The following TENM2 variants were observed in gnomAD, a reference collection of about 807,000 sequenced individuals.
The protein encoded by TENM2 is teneurin transmembrane protein 2.
Under a neutral mutation model 245.2 loss-of-function variants are expected in TENM2, and 52 were observed. The ratio of observed to expected loss-of-function variants is 0.21; its 90% CI spans 0.17 to 0.27. The LOEUF is 0.27. Among genes scored for constraint, TENM2 ranks in the 10% least tolerant of loss-of-function variants. The pLI, the probability that TENM2 is intolerant of heterozygous loss-of-function variation, is 1.00. For synonymous variants in TENM2, 1,363 were observed against 1,438.9 expected (o/e 0.95, Z 1.19); for missense variants, 3,046 against 3,666.8 (o/e 0.83, Z 4.37).
chr5:167,952,881 A>G (rs760441594), intron 4 of TENM2, 59 bp downstream of exon 6: 197 of 1,384,262 alleles, frequency 1.4e-4, no homozygotes, highest in Non-Finnish European at 1.8e-4. Flanking sequence ...CTGAGTCACC[A>G]CACAGAGCCA....
At chr5:167,697,074 T>C (rs1294279427) in intron 2 of TENM2, among the ~76,000 whole-genome samples, 2 of 152,178 alleles carry the variant, frequency 1.3e-5, no homozygotes, top group Non-Finnish European at 2.9e-5. Context: ...TTTCTCACAC[T>C]TGCCTGGTTC....
intron 14 of TENM2, among the ~76,000 whole-genome samples, chr5:168,192,628 TAGA>T (rs1457643739): frequency 6.6e-6 from 1 of 152,226 alleles, no homozygotes; most frequent in Non-Finnish European, 1.5e-5. Context: ...TTTCTTTTAG[TAGA>T]AGAACCTCTC....
At chr5:168,035,587 G>A (rs1787593570) in intron 5 of TENM2, among the ~76,000 whole-genome samples, 1 of 151,828 alleles carries the variant, frequency 6.6e-6, no homozygotes, top group Admixed American at 6.6e-5. Flanking sequence ...GACATTCACA[G>A]TAGAGAACTC....
the TENM2 span, among the ~76,000 whole-genome samples, chr5:166,979,081 T>G: frequency 1.3e-5 from 2 of 151,820 alleles, no homozygotes; most frequent in Non-Finnish European, 2.9e-5. Context: ...GCGTGTGTTA[T>G]GGGTTTGATT....
intron 2 of TENM2, among the ~76,000 whole-genome samples, chr5:167,606,024 T>A (rs4869062): frequency 7.2e-5 from 11 of 151,986 alleles, no homozygotes; most frequent in Non-Finnish European, 1.0e-4. Context: ...ACAACACAAC[T>A]AAGACATAGC....
At chr5:167,279,514 T>TTCCTTCC in the TENM2 span, among the ~76,000 whole-genome samples, 6 of 98,298 alleles carry the variant, frequency 6.1e-5, no homozygotes, top group East Asian at 2.8e-4. Context: ...CCTTCCTTCC[T>TTCCTTCC]TTCCTTCCTT....
chr5:168,086,675 G>A (rs1453658029), intron 7 of TENM2, among the ~76,000 whole-genome samples: 1 of 152,170 alleles, frequency 6.6e-6, no homozygotes, highest in African/African-American at 2.4e-5. Context: ...CAGACCTAAT[G>A]GGTAGGACCA....
At chr5:168,050,615 C>T (rs532154618) in intron 6 of TENM2, among the ~76,000 whole-genome samples, 1 of 152,266 alleles carries the variant, frequency 6.6e-6, no homozygotes, top group East Asian at 1.9e-4. Flanking sequence ...GTAAGCAAAA[C>T]ACAGGCATGT....
intron 2 of TENM2, among the ~76,000 whole-genome samples, chr5:167,704,520 A>G (rs940028767): frequency 6.6e-6 from 1 of 152,150 alleles, no homozygotes; most frequent in Non-Finnish European, 1.5e-5. Context: ...CTGCATCATC[A>G]TAATTAAGAA....
rs139941470 is a variant in TENM2 at position 167,827,156 on chromosome 5, A to G, written c.503-48830A>G. Among the ~76,000 whole-genome samples, 71 of 152,354 alleles carry G rather than the reference A, an allele frequency of 4.7e-4. No homozygotes were observed. The East Asian group carries it at 9.5e-3, about 20-fold the overall frequency. On this transcript the variant is annotated intron_variant, in intron 2 of 28. Transcript: ENST00000518659. ...CTGCTGCTGTTTTAACCAGATAACG[A>G]AAAAATCCAAGGTGGTTCGGAATAA...
intron 2 of TENM2, among the ~76,000 whole-genome samples, chr5:167,847,240 G>A (rs182105510): frequency 6.2e-4 from 95 of 152,216 alleles, no homozygotes; most frequent in Admixed American, 2.9e-3. Flanking sequence ...GGCATGAGCC[G>A]CCATGCCCAG....
chr5:167,809,772 A>G (rs966310552), intron 2 of TENM2, among the ~76,000 whole-genome samples: 13 of 152,118 alleles, frequency 8.5e-5, no homozygotes, highest in African/African-American at 3.1e-4. Context: ...ATGATTCTGA[A>G]TCAGCCCATT....
intron 2 of TENM2, among the ~76,000 whole-genome samples, chr5:167,520,152 G>A (rs913855380): frequency 2.0e-5 from 3 of 152,140 alleles, no homozygotes; most frequent in Non-Finnish European, 4.4e-5. Context: ...AGCCCAGCAA[G>A]GAGCAGTTGA....
intron 2 of TENM2, among the ~76,000 whole-genome samples, chr5:167,506,699 G>C (rs1769575464): frequency 1.3e-5 from 2 of 152,014 alleles, no homozygotes; most frequent in South Asian, 2.1e-4. Context: ...CTGTGAAAAA[G>C]GGTGACTCTT....
chr5:168,231,580 G>A (rs1764909212), intron 25 of TENM2, among the ~76,000 whole-genome samples: 1 of 152,170 alleles, frequency 6.6e-6, no homozygotes, highest in Non-Finnish European at 1.5e-5. Flanking sequence ...TTAGCAGAGT[G>A]ATGTGCTGGG....
chr5:167,180,104 T>C, the TENM2 span, among the ~76,000 whole-genome samples: 69 of 99,708 alleles, frequency 6.9e-4, no homozygotes, highest in Non-Finnish European at 1.3e-4. Context: ...AAGTGCTTCC[T>C]TTTTTTTTTT....
chr5:167,930,283 C>A (rs1295412018), intron 3 of TENM2, among the ~76,000 whole-genome samples: 1 of 151,878 alleles, frequency 6.6e-6, no homozygotes, highest in Non-Finnish European at 1.5e-5. Flanking sequence ...TTTTTTTAAT[C>A]AAGGTGCTTA....
At chr5:168,095,683 T>G (rs1242559706) in intron 8 of TENM2, among the ~76,000 whole-genome samples, 1 of 152,204 alleles carries the variant, frequency 6.6e-6, no homozygotes, top group Admixed American at 6.5e-5. Context: ...CTCCAATGCC[T>G]TGTTATATAG....
chr5:167,112,577 A>G, the TENM2 span, among the ~76,000 whole-genome samples: 1 of 152,252 alleles, frequency 6.6e-6, no homozygotes, highest in African/African-American at 2.4e-5. Flanking sequence ...GATATTTCAC[A>G]TTACAAGAAC....
Sources: gnomAD v4.1 joint callset for allele counts (sites outside exome capture counted in the v4.1 genomes callset) on GRCh38, gnomAD v4.1.1 for gene constraint, MANE v1.5 for transcripts, NCBI Gene and HGNC (gene_info 2026-07-23, HGNC 2026-07-21) for gene names.